SLIT1: variants seen among roughly 807,000 people sequenced by gnomAD.
The protein encoded by SLIT1 is slit homolog 1 protein.
A neutral mutation model predicts 186.1 loss-of-function variants in SLIT1; 66 were observed. The observed-to-expected ratio is 0.35, with a 90% CI of 0.29 to 0.44. The LOEUF is 0.44. Ranked by LOEUF, SLIT1 falls within the 20% of genes least tolerant of loss-of-function variation. The pLI is 1.00. For missense variants in SLIT1, 1,638 were observed against 2,037.4 expected, an observed-to-expected ratio of 0.80 and a Z score of 3.77; for synonymous variants, 761 against 833.8, an observed-to-expected ratio of 0.91 and a Z score of 1.50.
At chr10:97,121,809 T>C (rs1849562234) in intron 4 of SLIT1, among the ~76,000 whole-genome samples, 1 of 152,202 alleles carries the variant, frequency 6.6e-6, no homozygotes, top group African/African-American at 2.4e-5. Context: ...CTCAACCCCA[T>C]TGCTTTACCG....
intron 4 of SLIT1, among the ~76,000 whole-genome samples, chr10:97,117,913 A>G (rs1849523382): frequency 6.6e-6 from 1 of 152,184 alleles, no homozygotes; most frequent in Non-Finnish European, 1.5e-5. Flanking sequence ...CAGAAACCCC[A>G]GGGGGATCTG....
At chr10:97,178,076 T>C (rs1850280519) in intron 1 of SLIT1, among the ~76,000 whole-genome samples, 1 of 151,984 alleles carries the variant, frequency 6.6e-6, no homozygotes. Context: ...AATGATGGAG[T>C]TGCAAAATCA....
At chr10:97,130,983 G>A (rs1474523563) in intron 4 of SLIT1, among the ~76,000 whole-genome samples, 1 of 152,092 alleles carries the variant, frequency 6.6e-6, no homozygotes. Flanking sequence ...GCAGGACCTC[G>A]GCCACATGGA....
chr10:97,028,497 G>A (rs74153749), intron 25 of SLIT1, among the ~76,000 whole-genome samples: 1,651 of 152,188 alleles, frequency 0.011, 27 homozygotes, highest in African/African-American at 0.034. Context: ...GCTGGACAAC[G>A]CAGCATCCTT....
rs985965699 is a variant in SLIT1 at position 97,030,781 on chromosome 10, G to A, written c.2558C>T (p.Ala853Val). 1.2e-6 allele frequency: 2 copies of A among 1,614,076 alleles called. No homozygotes were observed. Among genetic ancestry groups the A allele is most frequent in the Non-Finnish European group, 8.5e-7 (1 of 1,179,978 alleles). ...DISTLQEGIF[A>V]DVTSLSHLAI... ...CAGGTGAGACAGGGAGGTCACGTCT[G>A]CAAAGATGCCCTCTTGGAGGGTGGA... Residue 853 changes from alanine (A) to valine (V), a missense_variant, in exon 25 of 37, where the codon GCA becomes GTA. Around this residue, in one of 3 missense-constraint regions of SLIT1, gnomAD observed 1,245 missense variants for 1,535.3 expected, o/e 0.81. Coordinates refer to ENST00000266058, the MANE Select transcript of SLIT1 (RefSeq NM_003061.3).
At chr10:97,142,342 G>A (rs753913526) in intron 4 of SLIT1, among the ~76,000 whole-genome samples, 12 of 152,150 alleles carry the variant, frequency 7.9e-5, no homozygotes, top group Non-Finnish European at 1.5e-4. Context: ...AGTATATGTG[G>A]ACAAGGGTGT....
Position 97,006,858 on chromosome 10 carries a change from C to T in SLIT1, c.3342-138G>A, listed in dbSNP as rs990117084. On this transcript the variant is annotated intron_variant, in intron 31 of 36. Transcript: ENST00000266058. This position sits in a 1 kb window ranked among gnomAD's most constrained non-coding sequence, Gnocchi z 4.0. The stretch of plus-strand genomic sequence containing the variant: ...CGACAGAAGATGCTCCTAATAAACA[C>T]TTTTCATGAGAGAGCTGAGAGCCAG... 9 of 652,332 alleles carry T rather than the reference C, an allele frequency of 1.4e-5. No homozygotes were observed. In the African/African-American group the frequency reaches 1.5e-4, roughly 11 times the overall value. 40.4% of individuals were successfully genotyped at this position (652,332 alleles called of 1,614,324 possible).
Position 97,164,765 on chromosome 10 carries a change from A to G in SLIT1, c.269+54T>C. On this transcript the variant is annotated intron_variant, in intron 2 of 36. Transcript: ENST00000266058. ...ACCACCCACAGCCAGGGCCCTGCCC[A>G]GGACTGCCGTGGCATTGCCAGGGGT... The G allele has an allele frequency of 9.3e-6, 12 of 1,293,994 alleles. No homozygotes were observed. The South Asian group carries it at 1.1e-4, about 11-fold the overall frequency. 80.2% of individuals were successfully genotyped at this position (1,293,994 alleles called of 1,614,324 possible).
intron 4 of SLIT1, among the ~76,000 whole-genome samples, chr10:97,128,167 C>G (rs1482548820): frequency 6.6e-6 from 1 of 152,134 alleles, no homozygotes. Flanking sequence ...GCCCTCTTCT[C>G]CCCTCCTCCA....
At chr10:97,107,690 C>T (rs1453375485) in intron 4 of SLIT1, among the ~76,000 whole-genome samples, 2 of 152,194 alleles carry the variant, frequency 1.3e-5, no homozygotes, top group South Asian at 2.1e-4. Context: ...AGCTCAGGTC[C>T]TGCCTTGCTG....
chr10:97,138,266 C>A (rs139364870), intron 4 of SLIT1, among the ~76,000 whole-genome samples: 4 of 152,340 alleles, frequency 2.6e-5, no homozygotes, highest in African/African-American at 9.6e-5. Context: ...ATATTACATG[C>A]GAAGTCCAGA....
intron 4 of SLIT1, among the ~76,000 whole-genome samples, chr10:97,114,129 G>A (rs550750770): frequency 3.3e-5 from 5 of 152,316 alleles, no homozygotes; most frequent in Admixed American, 2.0e-4. Context: ...TTCTGACCAC[G>A]TCACAGTGTA....
intron 1 of SLIT1, among the ~76,000 whole-genome samples, chr10:97,185,241 A>G (rs1484271713): frequency 2.6e-5 from 4 of 152,232 alleles, no homozygotes; most frequent in Admixed American, 2.6e-4. Flanking sequence ...TGCAGGGTGC[A>G]GGTGTGAGGA....
chr10:97,075,770 G>C (rs1337532055), intron 4 of SLIT1, among the ~76,000 whole-genome samples: 1 of 152,206 alleles, frequency 6.6e-6, no homozygotes, highest in Non-Finnish European at 1.5e-5. Flanking sequence ...CCTGAGTCAG[G>C]ATCCCTCAGT....
At chr10:97,111,621 C>T (rs895107865) in intron 4 of SLIT1, among the ~76,000 whole-genome samples, 1 of 152,200 alleles carries the variant, frequency 6.6e-6, no homozygotes, top group Admixed American at 6.5e-5. Context: ...AAGTGCAATT[C>T]AATCCAACAC....
chr10:97,045,284 CT>C (rs773692128), intron 18 of SLIT1, among the ~76,000 whole-genome samples: 3 of 151,682 alleles, frequency 2.0e-5, no homozygotes, highest in African/African-American at 4.8e-5. Context: ...ATGCAGAGCA[CT>C]TTTTTTGTAT....
chr10:97,037,527 C>A (rs556996605), intron 22 of SLIT1, among the ~76,000 whole-genome samples, 171 bp downstream of exon 22: 3 of 152,214 alleles, frequency 2.0e-5, no homozygotes, highest in African/African-American at 7.2e-5. Context: ...CCAATCGTGG[C>A]CACTAGGTGG....
chr10:97,098,166 C>T (rs2817689), intron 4 of SLIT1, among the ~76,000 whole-genome samples: 82,334 of 152,122 alleles, frequency 0.54, 24,289 homozygotes, highest in East Asian at 0.8. Context: ...GGAATGTGAA[C>T]GTGCACACAG....
intron 4 of SLIT1, among the ~76,000 whole-genome samples, chr10:97,114,241 A>G (rs1449248222): frequency 6.6e-6 from 1 of 152,224 alleles, no homozygotes; most frequent in Non-Finnish European, 1.5e-5. Context: ...GAGTCCTCTC[A>G]GAAGCACCGA....
Sources: gnomAD v4.1 joint callset for allele counts (sites outside exome capture counted in the v4.1 genomes callset) on GRCh38, gnomAD v4.1.1 for gene constraint, gnomAD v4.1.1 regional missense constraint, Gnocchi (gnomAD v3.1) non-coding constraint, MANE v1.5 for transcripts, NCBI Gene and HGNC (gene_info 2026-07-23, HGNC 2026-07-21) for gene names.